ARHGAP32: variants seen among roughly 807,000 people sequenced by gnomAD.
ARHGAP32 encodes the protein Rho GTPase activating protein 32.
In ARHGAP32, 51 loss-of-function variants were observed where a neutral mutation model predicts 186.5. The ratio of observed to expected loss-of-function variants is 0.27; its 90% CI spans 0.22 to 0.35. The LOEUF (loss-of-function observed/expected upper bound fraction) is 0.35. Among genes scored for constraint, ARHGAP32 ranks in the 10% least tolerant of loss-of-function variants. The pLI is 1.00. For synonymous variants in ARHGAP32, 950 were observed against 964.3 expected (o/e 0.99, Z 0.27); for missense variants, 2,186 against 2,623.5 (o/e 0.83, Z 3.64).
At chr11:129,273,168 T>C (rs1945491538) in intron 1 of ARHGAP32, among the ~76,000 whole-genome samples, 1 of 152,204 alleles carries the variant, frequency 6.6e-6, no homozygotes, top group African/African-American at 2.4e-5. Context: ...ACTTATAATA[T>C]TCCTTTTCAT....
chr11:129,274,807 T>C (rs1945512563), intron 1 of ARHGAP32, among the ~76,000 whole-genome samples: 1 of 152,020 alleles, frequency 6.6e-6, no homozygotes, highest in East Asian at 1.9e-4. Context: ...CATAAAGATG[T>C]TAATGCAAAT....
chr11:129,049,060 TC>T (rs1422121180), intron 10 of ARHGAP32, among the ~76,000 whole-genome samples: 47 of 151,930 alleles, frequency 3.1e-4, no homozygotes, highest in Non-Finnish European at 2.9e-5. Flanking sequence ...AGTTTTAAGT[TC>T]CTTCTGTAGG....
intron 5 of ARHGAP32, among the ~76,000 whole-genome samples, chr11:129,115,432 C>G (rs527414904): frequency 1.3e-5 from 2 of 152,152 alleles, no homozygotes; most frequent in South Asian, 4.1e-4. Flanking sequence ...GTTTTTCTTC[C>G]CAGAATGGGA....
intron 1 of ARHGAP32, among the ~76,000 whole-genome samples, chr11:129,234,849 T>C (rs1944906983): frequency 6.6e-6 from 1 of 152,020 alleles, no homozygotes; most frequent in African/African-American, 2.4e-5. Context: ...AAAACACAGG[T>C]AGTTGTTCTT....
chr11:128,993,690 T>C (rs1476875863), intron 12 of ARHGAP32, among the ~76,000 whole-genome samples: 2 of 151,708 alleles, frequency 1.3e-5, no homozygotes, highest in Non-Finnish European at 2.9e-5. Flanking sequence ...ACAATACATA[T>C]GAAGTCTTTT....
intron 11 of ARHGAP32, chr11:129,023,870 G>A (rs1938711145): frequency 2.0e-6 from 2 of 983,176 alleles, no homozygotes; most frequent in Non-Finnish European, 2.4e-6. Flanking sequence ...TCTTGTTGTG[G>A]TACAAGTTTT....
chr11:128,987,239 T>C (rs1202536532), intron 13 of ARHGAP32, among the ~76,000 whole-genome samples: 1 of 152,176 alleles, frequency 6.6e-6, no homozygotes, highest in African/African-American at 2.4e-5. Context: ...CAGAGTAAGC[T>C]CACTCTCCAG....
intron 10 of ARHGAP32, among the ~76,000 whole-genome samples, chr11:129,044,999 T>C (rs1939751866): frequency 2.0e-5 from 3 of 152,310 alleles, no homozygotes; most frequent in Non-Finnish European, 4.4e-5. Context: ...ACCTTTTAAA[T>C]TCATCACAAT....
intron 19 of ARHGAP32, among the ~76,000 whole-genome samples, chr11:128,978,546 T>C (rs1325074318): frequency 1.3e-5 from 2 of 152,178 alleles, no homozygotes; most frequent in Non-Finnish European, 1.5e-5. Flanking sequence ...ATAATCTATA[T>C]AGTTTCCTTA....
chr11:129,135,488 C>A (rs1361515048), intron 2 of ARHGAP32, among the ~76,000 whole-genome samples: 1 of 152,194 alleles, frequency 6.6e-6, no homozygotes, highest in Admixed American at 6.5e-5. Context: ...TGAACGCTGG[C>A]CGGGCGTGGT....
chr11:129,143,072 C>CATATATATATATATATATCTATATATAT (rs145242519), intron 2 of ARHGAP32, among the ~76,000 whole-genome samples: 1 of 112,466 alleles, frequency 8.9e-6, no homozygotes, highest in Non-Finnish European at 1.9e-5. Context: ...GGTAAAACTG[C>CATATATATATATATATATCTATATATAT]ATATATATAT....
chr11:129,255,468 T>G (rs939190945), intron 1 of ARHGAP32, among the ~76,000 whole-genome samples: 1 of 151,990 alleles, frequency 6.6e-6, no homozygotes, highest in Non-Finnish European at 1.5e-5. Flanking sequence ...TCTCAGACAT[T>G]AGAGTAGGCA....
intron 1 of ARHGAP32, among the ~76,000 whole-genome samples, chr11:129,232,499 T>C (rs946071243): frequency 9.2e-5 from 14 of 152,144 alleles, no homozygotes; most frequent in African/African-American, 3.1e-4. Context: ...AATGATAAAA[T>C]TTGAACTTTC....
chr11:129,042,572 T>C (rs1277744361), intron 10 of ARHGAP32, among the ~76,000 whole-genome samples: 1 of 152,182 alleles, frequency 6.6e-6, no homozygotes, highest in Admixed American at 6.5e-5. Context: ...ACAAGTCAGT[T>C]ATGAGAGGGG....
At chr11:129,040,227 C>T (rs1305071639) in intron 11 of ARHGAP32, among the ~76,000 whole-genome samples, 2 of 151,792 alleles carry the variant, frequency 1.3e-5, no homozygotes, top group African/African-American at 2.4e-5. Flanking sequence ...TTTTCTTCTC[C>T]TTTTATTGGG....
chr11:129,182,652 T>C (rs1944081114), intron 1 of ARHGAP32, among the ~76,000 whole-genome samples: 1 of 151,824 alleles, frequency 6.6e-6, no homozygotes. Context: ...TTACCTTTTT[T>C]TTTTTTCTGG....
At chr11:129,255,792 G>A (rs1388157262) in intron 1 of ARHGAP32, among the ~76,000 whole-genome samples, 1 of 152,042 alleles carries the variant, frequency 6.6e-6, no homozygotes, top group Non-Finnish European at 1.5e-5. Context: ...AGAATGCAGA[G>A]GAGCTTAAAC....
At chr11:129,223,436 G>T (rs963857384) in intron 1 of ARHGAP32, among the ~76,000 whole-genome samples, 1 of 152,178 alleles carries the variant, frequency 6.6e-6, no homozygotes, top group African/African-American at 2.4e-5. Flanking sequence ...TGCAGCACAG[G>T]ACGGATATAA....
chr11:129,126,477 C>G (rs969826799), intron 2 of ARHGAP32, among the ~76,000 whole-genome samples: 1 of 152,194 alleles, frequency 6.6e-6, no homozygotes, highest in Non-Finnish European at 1.5e-5. Context: ...CACCATCTTT[C>G]TAGTCTGCAT....
Sources: gnomAD v4.1 joint callset for allele counts (sites outside exome capture counted in the v4.1 genomes callset) on GRCh38, gnomAD v4.1.1 for gene constraint, MANE v1.5 for transcripts, NCBI Gene and HGNC (gene_info 2026-07-23, HGNC 2026-07-21) for gene names.